The following TMEM163 variants were observed in gnomAD, a reference collection of about 807,000 sequenced individuals.
The protein encoded by TMEM163 is transmembrane protein 163.
A neutral mutation model predicts 29.3 loss-of-function variants in TMEM163; 17 were observed. The ratio of observed to expected loss-of-function variants is 0.58; its 90% confidence interval spans 0.40 to 0.87. The LOEUF is 0.87. TMEM163 is among the 40% of genes least tolerant of loss of function. The probability of loss-of-function intolerance (pLI) is 0.00; values close to 1 mark genes in which losing one functional copy is unlikely to be tolerated. For missense variants in TMEM163, 303 were observed against 381.5 expected, an observed-to-expected ratio of 0.79 and a Z score of 1.71; for synonymous variants, 157 against 160.6, an observed-to-expected ratio of 0.98 and a Z score of 0.17.
At chr2:134,610,058 G>A (rs1169281542) in intron 2 of TMEM163, among the ~76,000 whole-genome samples, 1 of 152,234 alleles carries the variant, frequency 6.6e-6, no homozygotes, top group Non-Finnish European at 1.5e-5. Context: ...GAAGCAGAAA[G>A]GGGAAGAGGG....
intron 2 of TMEM163, among the ~76,000 whole-genome samples, chr2:134,696,843 T>C (rs1376021585): frequency 2.6e-5 from 4 of 152,194 alleles, no homozygotes; most frequent in Non-Finnish European, 5.9e-5. Context: ...TGGCATGATC[T>C]CAGCTTACTG....
intron 2 of TMEM163, among the ~76,000 whole-genome samples, chr2:134,556,355 A>C (rs938849989): frequency 9.9e-5 from 15 of 152,248 alleles, no homozygotes; most frequent in Non-Finnish European, 2.1e-4. Context: ...CAAGATTTTA[A>C]TGCGTAAGAA....
intron 2 of TMEM163, among the ~76,000 whole-genome samples, chr2:134,575,152 C>T (rs2104788528): frequency 6.6e-6 from 1 of 152,172 alleles, no homozygotes; most frequent in South Asian, 2.1e-4. Context: ...GGTTCTTCTT[C>T]CACACAGCTT....
Position 134,456,543 on chromosome 2 carries a change from G to A in TMEM163, c.*173C>T. 1 of 692,182 alleles carries A rather than the reference G, an allele frequency of 1.4e-6. No individual in the cohort carries two copies. Among genetic ancestry groups the A allele is most frequent in the Non-Finnish European group, 2.5e-6 (1 of 398,550 alleles). The allele number at this position is 692,182 out of a possible 1,614,324, so 42.9% of individuals were successfully genotyped here. A position where few individuals can be genotyped will look rare whatever the true frequency, so the allele number is the denominator to read the frequency against. On this transcript the variant is annotated 3_prime_UTR_variant, in exon 8 of 8. Coordinates refer to ENST00000281924, the MANE Select transcript of TMEM163 (RefSeq NM_030923.5). ...TGTCCCAACATGTTTGATGGGGGCG[G>A]CAGGTGATGGGGGCAAGGTAGATCC... is the stretch of plus-strand genomic sequence containing the variant.
intron 2 of TMEM163, among the ~76,000 whole-genome samples, chr2:134,603,508 C>G (rs901993321): frequency 2.0e-5 from 3 of 152,168 alleles, no homozygotes; most frequent in Non-Finnish European, 4.4e-5. Flanking sequence ...TAACAAGACA[C>G]ACACCCACTA....
chr2:134,541,716 CGT>C (rs1158932809), intron 4 of TMEM163, among the ~76,000 whole-genome samples: 2 of 151,984 alleles, frequency 1.3e-5, no homozygotes, highest in Non-Finnish European at 1.5e-5. Context: ...AAAAACTATA[CGT>C]AGATCATCTC....
At chr2:134,657,087 C>CCA (rs60481704) in intron 2 of TMEM163, among the ~76,000 whole-genome samples, 49 of 152,112 alleles carry the variant, frequency 3.2e-4, no homozygotes, top group African/African-American at 1.1e-3. Flanking sequence ...GATTTTATAT[C>CCA]AGTGATGCTG....
At chr2:134,502,822 C>G in intron 5 of TMEM163, 79 bp downstream of exon 5, 1 of 1,300,692 alleles carries the variant, frequency 7.7e-7, no homozygotes, top group South Asian at 1.3e-5. Context: ...CCGACTCCAC[C>G]CGGGAACCCT....
chr2:134,558,863 CTG>C (rs1681105785), intron 2 of TMEM163, among the ~76,000 whole-genome samples: 1 of 152,208 alleles, frequency 6.6e-6, no homozygotes, highest in Non-Finnish European at 1.5e-5. Context: ...AATTATGTGA[CTG>C]TAAGTTTCGT....
intron 2 of TMEM163, among the ~76,000 whole-genome samples, chr2:134,553,216 G>A (rs1230884874): frequency 3.9e-5 from 6 of 152,320 alleles, no homozygotes; most frequent in South Asian, 2.1e-4. Flanking sequence ...CAGTAGAAGC[G>A]TGGGTGGGAG....
At chr2:134,636,118 T>C (rs950366120) in intron 2 of TMEM163, among the ~76,000 whole-genome samples, 1 of 152,198 alleles carries the variant, frequency 6.6e-6, no homozygotes, top group Non-Finnish European at 1.5e-5. Flanking sequence ...CGAGGACATG[T>C]GGACCAAGGG....
At chr2:134,511,157 G>GGGA (rs1553475809) in intron 4 of TMEM163, among the ~76,000 whole-genome samples, 1 of 150,882 alleles carries the variant, frequency 6.6e-6, no homozygotes, top group African/African-American at 2.5e-5. Flanking sequence ...ACAAGGCGGG[G>GGGA]GGGGGTGCTG....
At chr2:134,573,567 A>G (rs1213174394) in intron 2 of TMEM163, among the ~76,000 whole-genome samples, 1 of 152,216 alleles carries the variant, frequency 6.6e-6, no homozygotes, top group Non-Finnish European at 1.5e-5. Flanking sequence ...CCAAATACCA[A>G]TAGCACCCAG....
At chr2:134,604,366 A>G (rs1682303644) in intron 2 of TMEM163, among the ~76,000 whole-genome samples, 1 of 152,174 alleles carries the variant, frequency 6.6e-6, no homozygotes, top group Non-Finnish European at 1.5e-5. Context: ...GAACAAAGAA[A>G]CATGAACTAG....
intron 4 of TMEM163, among the ~76,000 whole-genome samples, chr2:134,532,474 C>T (rs1250378075): frequency 1.3e-5 from 2 of 152,240 alleles, no homozygotes; most frequent in Non-Finnish European, 2.9e-5. Context: ...ATCCTCCTCC[C>T]TAAGCTCCTT....
At chr2:134,489,804 G>A (rs1356828004) in intron 5 of TMEM163, among the ~76,000 whole-genome samples, 2 of 152,172 alleles carry the variant, frequency 1.3e-5, no homozygotes, top group Non-Finnish European at 2.9e-5. Flanking sequence ...GAACGAGGGC[G>A]AATAATCTGG....
At chr2:134,484,287 AG>A (rs1282340115) in intron 5 of TMEM163, among the ~76,000 whole-genome samples, 2 of 152,224 alleles carry the variant, frequency 1.3e-5, no homozygotes, top group African/African-American at 4.8e-5. Context: ...GAAGACAAAC[AG>A]AAGATCTTAC....
chr2:134,632,124 C>T (rs576554635), intron 2 of TMEM163, among the ~76,000 whole-genome samples: 1 of 152,246 alleles, frequency 6.6e-6, no homozygotes, highest in Admixed American at 6.5e-5. Flanking sequence ...TGCAAGATGG[C>T]AAAAGCATTC....
At chr2:134,606,298 G>T (rs1031635889) in intron 2 of TMEM163, among the ~76,000 whole-genome samples, 3 of 151,088 alleles carry the variant, frequency 2.0e-5, no homozygotes, top group African/African-American at 7.3e-5. Flanking sequence ...AGCTAAGACC[G>T]CACCATTGCA....
Sources: gnomAD v4.1 joint callset for allele counts (sites outside exome capture counted in the v4.1 genomes callset) on GRCh38, gnomAD v4.1.1 for gene constraint, MANE v1.5 for transcripts, NCBI Gene and HGNC (gene_info 2026-07-23, HGNC 2026-07-21) for gene names.